Variants in TTC23 observed in about 807,000 individuals in gnomAD.
TTC23 encodes tetratricopeptide repeat protein 23.
TTC23 carries 58 observed loss-of-function variants against 55.1 expected under a neutral mutation model. That is an observed-to-expected ratio of 1.05 (90% CI 0.85 to 1.31). The LOEUF (loss-of-function observed/expected upper bound fraction) is 1.31, where lower values mean the gene tolerates loss of function less well. Ranked by LOEUF, TTC23 falls within the 50% of genes most tolerant of loss-of-function variation. The pLI, the probability that TTC23 is intolerant of heterozygous loss-of-function variation, is 0.00. For missense variants in TTC23, 516 were observed against 534.4 expected, an observed-to-expected ratio of 0.97 and a Z score of 0.34; for synonymous variants, 203 against 199.9, an observed-to-expected ratio of 1.02 and a Z score of -0.13.
chr15:99,246,069 C>T (rs1038869953), intron 1 of TTC23, among the ~76,000 whole-genome samples: 4 of 152,146 alleles, frequency 2.6e-5, no homozygotes, highest in Admixed American at 6.5e-5. Context: ...CTTGGCCTCC[C>T]AAAATACTGG....
At chr15:99,186,449 G>A (rs191779492) in intron 9 of TTC23, among the ~76,000 whole-genome samples, 3 of 151,916 alleles carry the variant, frequency 2.0e-5, no homozygotes, top group Non-Finnish European at 2.9e-5. Flanking sequence ...AGCAAAAACC[G>A]CCTATCAAAC....
intron 5 of TTC23, among the ~76,000 whole-genome samples, chr15:99,222,709 G>C (rs564693265): frequency 6.6e-6 from 1 of 152,124 alleles, no homozygotes; most frequent in African/African-American, 2.4e-5. Flanking sequence ...TTTAAAACAC[G>C]GTTCCAGGCT....
chr15:99,237,281 C>T (rs1375809644), intron 3 of TTC23, among the ~76,000 whole-genome samples: 1 of 152,058 alleles, frequency 6.6e-6, no homozygotes, highest in Non-Finnish European at 1.5e-5. Flanking sequence ...CATGCCCAGC[C>T]AATTCCTAAG....
At chr15:99,169,616 A>G (rs115267752) in intron 10 of TTC23, among the ~76,000 whole-genome samples, 1,759 of 152,276 alleles carry the variant, frequency 0.012, 30 homozygotes, top group African/African-American at 0.041. Context: ...GCACTGGGCA[A>G]GCTGAAAAGG....
At chr15:99,224,503 T>C (rs185047608) in intron 5 of TTC23, among the ~76,000 whole-genome samples, 1 of 152,258 alleles carries the variant, frequency 6.6e-6, no homozygotes, top group Non-Finnish European at 1.5e-5. Context: ...TTTTATTATA[T>C]GACTATATCA....
chr15:99,213,427 C>T (rs1262734194), intron 8 of TTC23, among the ~76,000 whole-genome samples: 2 of 152,226 alleles, frequency 1.3e-5, no homozygotes, highest in Non-Finnish European at 2.9e-5. Context: ...TTGGAAAGCA[C>T]TCAGAGGAGG....
At chr15:99,173,765 C>T (rs776840385) in intron 10 of TTC23, among the ~76,000 whole-genome samples, 2 of 152,116 alleles carry the variant, frequency 1.3e-5, no homozygotes, top group Non-Finnish European at 2.9e-5. Flanking sequence ...CACTCTGTTT[C>T]GTCTCTCTCA....
At chr15:99,227,803 C>T (rs1349756755) in intron 5 of TTC23, among the ~76,000 whole-genome samples, 1 of 152,228 alleles carries the variant, frequency 6.6e-6, no homozygotes, top group East Asian at 1.9e-4. Context: ...CTCTTCCTCA[C>T]CTGTCCAACT....
At chr15:99,197,397 C>T (rs577451593) in intron 9 of TTC23, among the ~76,000 whole-genome samples, 151 of 152,108 alleles carry the variant, frequency 9.9e-4, no homozygotes, top group African/African-American at 3.5e-3. Flanking sequence ...CCACCACGCC[C>T]GGCCTGGTTT....
intron 12 of TTC23, chr15:99,139,795 T>C (rs1156924179): frequency 4.8e-6 from 6 of 1,246,346 alleles, no homozygotes; most frequent in Non-Finnish European, 6.3e-6. Context: ...ACACATACTC[T>C]ACTTTTATTA....
chr15:99,161,825 T>C lies in TTC23; in HGVS notation c.908A>G (p.Lys303Arg). 6.2e-7 allele frequency: 1 copy of C among 1,613,286 alleles called. No individual in the cohort carries two copies. Among genetic ancestry groups the C allele is most frequent in the Non-Finnish European group, 8.5e-7 (1 of 1,179,840 alleles). The change falls in exon 11 of 14, where the codon AAG becomes AGG. Residue 303 changes from lysine (K) to arginine (R), a missense_variant. Transcript: ENST00000394132. ...GGTTCTTCCCATCCCTTCAGAATCC[T>C]TAAGATGAGCCATGCTCTCTTGAAA... ...QYFQESMAHL[K>R]DSEGMGRTKF... is the part of the protein sequence containing the mutation.
chr15:99,240,419 A>G (rs1053617870), intron 3 of TTC23, among the ~76,000 whole-genome samples: 1 of 152,226 alleles, frequency 6.6e-6, no homozygotes, highest in African/African-American at 2.4e-5. Context: ...GTTAAAAAAA[A>G]TTGAGCCATC....
At chr15:99,150,140 G>A (rs1477600109) in intron 12 of TTC23, among the ~76,000 whole-genome samples, 2 of 152,184 alleles carry the variant, frequency 1.3e-5, no homozygotes, top group African/African-American at 4.8e-5. Context: ...GCTTCCCAGC[G>A]GCCTGCAAGG....
At chr15:99,178,377 G>A (rs987797844) in intron 9 of TTC23, among the ~76,000 whole-genome samples, 13 of 152,146 alleles carry the variant, frequency 8.5e-5, no homozygotes, top group Non-Finnish European at 1.9e-4. Context: ...ATATGCTAGA[G>A]GGAAGGGGGT....
intron 9 of TTC23, among the ~76,000 whole-genome samples, chr15:99,199,016 G>C (rs2075975830): frequency 6.6e-6 from 1 of 152,198 alleles, no homozygotes; most frequent in African/African-American, 2.4e-5. Flanking sequence ...ATGGGGCCAG[G>C]TTGTCTGGTC....
intron 4 of TTC23, among the ~76,000 whole-genome samples, chr15:99,231,617 T>C (rs1396183274): frequency 6.6e-6 from 1 of 152,018 alleles, no homozygotes; most frequent in African/African-American, 2.4e-5. Context: ...CTCAGCCTCC[T>C]GAGTAGCTGG....
chr15:99,149,283 C>T (rs1221197462), intron 12 of TTC23, among the ~76,000 whole-genome samples: 1 of 152,206 alleles, frequency 6.6e-6, no homozygotes, highest in Non-Finnish European at 1.5e-5. Flanking sequence ...CACCACAGTG[C>T]ACAACCTTCA....
chr15:99,165,946 G>A (rs1437195058), intron 10 of TTC23, among the ~76,000 whole-genome samples: 1 of 152,180 alleles, frequency 6.6e-6, no homozygotes, highest in Admixed American at 6.5e-5. Context: ...GGCTGATTGG[G>A]AGTCAACTGA....
At chr15:99,210,317 C>T (rs1352450104) in intron 8 of TTC23, among the ~76,000 whole-genome samples, 1 of 152,052 alleles carries the variant, frequency 6.6e-6, no homozygotes, top group Non-Finnish European at 1.5e-5. Flanking sequence ...TGAGAGTAAC[C>T]TGTGCCATGT....
Sources: gnomAD v4.1 joint callset for allele counts (sites outside exome capture counted in the v4.1 genomes callset) on GRCh38, gnomAD v4.1.1 for gene constraint, MANE v1.5 for transcripts, NCBI Gene and HGNC (gene_info 2026-07-23, HGNC 2026-07-21) for gene names.